The following TAFA1 variants were observed in gnomAD, a reference collection of about 807,000 sequenced individuals.
The protein encoded by TAFA1 is TAFA chemokine like family member 1.
A neutral mutation model predicts 18.5 loss-of-function variants in TAFA1; 4 were observed. The ratio of observed to expected loss-of-function variants is 0.22; its 90% confidence interval spans 0.11 to 0.49. The LOEUF is 0.49. Ranked by LOEUF, TAFA1 falls within the 20% of genes least tolerant of loss-of-function variation. The pLI, the probability that TAFA1 is intolerant of heterozygous loss-of-function variation, is 0.98. For missense variants in TAFA1, 147 were observed against 169.0 expected, an observed-to-expected ratio of 0.87 and a Z score of 0.72; for synonymous variants, 56 against 55.2, an observed-to-expected ratio of 1.01 and a Z score of -0.06.
intron 2 of TAFA1, among the ~76,000 whole-genome samples, chr3:68,373,853 C>G (rs72912926): frequency 0.057 from 8,746 of 152,242 alleles, 315 homozygotes; most frequent in East Asian, 0.14. Context: ...GCCTAGCAAA[C>G]ATTCATTTTG....
At chr3:67,996,246 G>A in the TAFA1 span, among the ~76,000 whole-genome samples, 1 of 152,184 alleles carries the variant, frequency 6.6e-6, no homozygotes, top group Non-Finnish European at 1.5e-5. Flanking sequence ...GCATGTGCAG[G>A]TGTTTAGGGA....
intron 2 of TAFA1, chr3:68,250,932 A>G (rs571793473): frequency 6.6e-6 from 1 of 152,166 alleles, no homozygotes; most frequent in African/African-American, 2.4e-5. Context: ...AGTAATTTTT[A>G]AAATAACTAC....
intron 3 of TAFA1, among the ~76,000 whole-genome samples, chr3:68,420,147 G>C (rs1489709341): frequency 6.6e-6 from 1 of 152,208 alleles, no homozygotes; most frequent in East Asian, 1.9e-4. Flanking sequence ...GAAAAGATGT[G>C]ATTGGCCCAG....
intron 2 of TAFA1, chr3:68,145,237 A>G: frequency 1.3e-6 from 1 of 789,444 alleles, no homozygotes; most frequent in Non-Finnish European, 2.3e-6. Context: ...GGTCAGTAGG[A>G]CGAAGAGTCT....
At chr3:68,093,349 T>C (rs535725575) in intron 2 of TAFA1, among the ~76,000 whole-genome samples, 1 of 152,260 alleles carries the variant, frequency 6.6e-6, no homozygotes, top group South Asian at 2.1e-4. Context: ...TTCACTACCT[T>C]TGGGTCTGAG....
rs553426059 is a variant in TAFA1 at position 68,041,237 on chromosome 3, G to A, written c.118+34493G>A. On this transcript the variant is annotated intron_variant, in intron 2 of 4. Coordinates refer to ENST00000478136, the MANE Select transcript of TAFA1 (RefSeq NM_213609.4). ...ACATTCCCGAAAGACTCTGTGTTGA[G>A]ATTCTTTTACATGAACATATCCTTC... Among the ~76,000 whole-genome samples the A allele has an allele frequency of 3.9e-4, 60 of 152,288 alleles. No homozygotes were observed. The South Asian group carries it at 0.012, about 30-fold the overall frequency.
rs3037415 is a variant in TAFA1 at position 68,517,947 on chromosome 3, C to CACACAT, written c.260-20809_260-20808insACACAT. On this transcript the variant is annotated intron_variant, in intron 3 of 4. Transcript: ENST00000478136. ...TGATAAACACACACACACACACACA[C>CACACAT]TCACACACACTCGCACACTTTTGCT... is the stretch of plus-strand genomic sequence containing the variant. Among the ~76,000 whole-genome samples, 8 of 149,426 alleles carry CACACAT rather than the reference C, an allele frequency of 5.4e-5. No individual in the cohort carries two copies. The South Asian group carries it at 1.8e-3, about 33-fold the overall frequency.
At chr3:68,521,120 A>G (rs2073015137) in intron 3 of TAFA1, among the ~76,000 whole-genome samples, 1 of 152,232 alleles carries the variant, frequency 6.6e-6, no homozygotes, top group East Asian at 1.9e-4. Context: ...TGATGGCTAT[A>G]GTAGCTGCAG....
chr3:68,157,077 A>G (rs1409806244), intron 2 of TAFA1, among the ~76,000 whole-genome samples: 1 of 152,212 alleles, frequency 6.6e-6, no homozygotes, highest in Non-Finnish European at 1.5e-5. Flanking sequence ...ATTTTAGTTC[A>G]GATTGACTTA....
At chr3:68,402,637 G>A (rs2070520168) in intron 2 of TAFA1, among the ~76,000 whole-genome samples, 4 of 152,164 alleles carry the variant, frequency 2.6e-5, no homozygotes, top group Admixed American at 2.0e-4. Context: ...GGCTGTAGAT[G>A]TGAGGCACAG....
At chr3:68,386,586 A>G (rs1378213955) in intron 2 of TAFA1, among the ~76,000 whole-genome samples, 1 of 152,112 alleles carries the variant, frequency 6.6e-6, no homozygotes, top group Non-Finnish European at 1.5e-5. Flanking sequence ...AGGTTTTTCT[A>G]CTACCATCTT....
At chr3:68,483,956 A>T (rs2072286217) in intron 3 of TAFA1, among the ~76,000 whole-genome samples, 1 of 152,208 alleles carries the variant, frequency 6.6e-6, no homozygotes, top group Non-Finnish European at 1.5e-5. Flanking sequence ...AGCTAGGGAG[A>T]AACACAATCT....
At chr3:68,213,966 A>G (rs1030895598) in intron 2 of TAFA1, among the ~76,000 whole-genome samples, 4 of 152,102 alleles carry the variant, frequency 2.6e-5, no homozygotes, top group South Asian at 2.1e-4. Flanking sequence ...GACTATATAC[A>G]GAAGAGTTAA....
chr3:68,370,472 G>GTGTA (rs1248560447), intron 2 of TAFA1, among the ~76,000 whole-genome samples: 181 of 32,894 alleles, frequency 5.5e-3, no homozygotes, highest in Middle Eastern at 0.031. Context: ...GTGTGTGTGT[G>GTGTA]TATATATATA....
At chr3:68,407,995 G>C (rs2070642961) in intron 2 of TAFA1, among the ~76,000 whole-genome samples, 1 of 151,992 alleles carries the variant, frequency 6.6e-6, no homozygotes, top group South Asian at 2.1e-4. Flanking sequence ...AGTCCATTGG[G>C]TCAATAAAGC....
At chr3:68,266,213 A>T (rs908459905) in intron 2 of TAFA1, among the ~76,000 whole-genome samples, 6 of 152,146 alleles carry the variant, frequency 3.9e-5, no homozygotes, top group Non-Finnish European at 8.8e-5. Flanking sequence ...TACAGCCAGG[A>T]TGGTCATTTA....
intron 3 of TAFA1, among the ~76,000 whole-genome samples, chr3:68,494,847 C>A (rs2072517288): frequency 6.6e-6 from 1 of 152,112 alleles, no homozygotes. Context: ...TAAAATAGTG[C>A]CTGGCACAAA....
At chr3:68,395,564 C>T (rs561266382) in intron 2 of TAFA1, among the ~76,000 whole-genome samples, 30 of 152,164 alleles carry the variant, frequency 2.0e-4, no homozygotes, top group Non-Finnish European at 2.2e-4. Context: ...CCCAAATGTC[C>T]ATCAATGATA....
chr3:68,446,834 C>G (rs1398804078), intron 3 of TAFA1, among the ~76,000 whole-genome samples: 3 of 152,148 alleles, frequency 2.0e-5, no homozygotes, highest in African/African-American at 7.2e-5. Flanking sequence ...ACCAAATAAT[C>G]TGAATACAAT....
Sources: gnomAD v4.1 joint callset for allele counts (sites outside exome capture counted in the v4.1 genomes callset) on GRCh38, gnomAD v4.1.1 for gene constraint, MANE v1.5 for transcripts, NCBI Gene and HGNC (gene_info 2026-07-23, HGNC 2026-07-21) for gene names.